CEP192: variants seen among roughly 807,000 people sequenced by gnomAD.
CEP192 encodes centrosomal protein of 192 kDa.
A neutral mutation model predicts 271.8 loss-of-function variants in CEP192; 151 were observed. The ratio of observed to expected loss-of-function variants is 0.56; its 90% CI spans 0.49 to 0.64. The LOEUF (loss-of-function observed/expected upper bound fraction) is 0.64. Ranked by LOEUF, CEP192 falls within the 30% of genes least tolerant of loss-of-function variation. The probability of loss-of-function intolerance (pLI) is 0.00; values close to 1 mark genes in which losing one functional copy is unlikely to be tolerated. For missense variants in CEP192, 2,910 were observed against 3,020.5 expected (o/e 0.96, Z 0.86); for synonymous variants, 995 against 1,076.5 (o/e 0.92, Z 1.48).
chr18:13,114,773 G>A (rs888489733), intron 42 of CEP192, among the ~76,000 whole-genome samples: 8 of 152,100 alleles, frequency 5.3e-5, no homozygotes, highest in South Asian at 2.1e-4. Flanking sequence ...CCACAATTGC[G>A]AGGTCACATG....
rs1479386757 is a variant in CEP192 at position 13,069,757 on chromosome 18, A to G, written c.5075A>G (p.His1692Arg). ...ATTTAGGTCCCAGAACAAGGAAGTC[A>G]CTTTTCAGTGGATCCAAAGAATCTA... is the stretch of plus-strand genomic sequence containing the variant. ...LDIKVPEQGSHFSVDPKNLLL... is the reference protein window; with the variant it reads ...LDIKVPEQGSRFSVDPKNLLL... Residue 1692 changes from histidine (H) to arginine (R), a missense_variant, in exon 27 of 45, where the codon CAC becomes CGC. Transcript: ENST00000506447. 6.3e-7 allele frequency: 1 copy of G among 1,583,500 alleles called. No homozygotes were observed. Among genetic ancestry groups the G allele is most frequent in the African/African-American group, 1.4e-5 (1 of 73,630 alleles).
chr18:13,105,738 C>CT (rs1198523039), intron 40 of CEP192, among the ~76,000 whole-genome samples: 1 of 152,178 alleles, frequency 6.6e-6, no homozygotes, highest in Non-Finnish European at 1.5e-5. Context: ...GGGTTTCTCA[C>CT]TTTTTTTGGA....
At chr18:13,028,077 A>G (rs1229864698) in intron 9 of CEP192, among the ~76,000 whole-genome samples, 1 of 152,182 alleles carries the variant, frequency 6.6e-6, no homozygotes, top group African/African-American at 2.4e-5. Context: ...TAAGGCTCTT[A>G]GAGGAGAATC....
chr18:13,069,596 G>A (rs2037899565), intron 26 of CEP192, 142 bp from the exon 27 acceptor site: 2 of 650,916 alleles, frequency 3.1e-6, no homozygotes, highest in South Asian at 3.7e-5. Flanking sequence ...AAGAGAATAG[G>A]ACAAGTTGAG....
chr18:12,998,728 C>T (rs1419730963), intron 1 of CEP192, among the ~76,000 whole-genome samples: 2 of 152,020 alleles, frequency 1.3e-5, no homozygotes, highest in Non-Finnish European at 2.9e-5. Context: ...GCCATTATTT[C>T]CTTTACTGAT....
chr18:13,062,611 G>C (rs943268822), intron 21 of CEP192, among the ~76,000 whole-genome samples: 1 of 150,562 alleles, frequency 6.6e-6, no homozygotes, highest in Non-Finnish European at 1.5e-5. Context: ...TTTTTTGTGG[G>C]TACCTAAATA....
At chr18:13,082,628 G>A (rs1374841399) in intron 30 of CEP192, among the ~76,000 whole-genome samples, 8 of 151,812 alleles carry the variant, frequency 5.3e-5, no homozygotes, top group African/African-American at 1.9e-4. Flanking sequence ...TACATTTAAG[G>A]TTAATATTGT....
Position 13,025,992 on chromosome 18 carries a change from A to G in CEP192, c.1051-3671A>G, listed in dbSNP as rs537959953. Among the ~76,000 whole-genome samples the G allele has an allele frequency of 7.9e-5, 12 of 152,298 alleles. No homozygotes were observed. The East Asian group carries it at 2.3e-3, about 29-fold the overall frequency. On this transcript the variant is annotated intron_variant, in intron 9 of 44. Transcript: ENST00000506447. ...CTTTGTAGATTTAAGATTCTGACCT[A>G]TATATTTATCTTCTCTCAAAATAAC...
rs148771823 is a variant in CEP192 at position 13,089,149 on chromosome 18, A to G, written c.5994-307A>G. Among the ~76,000 whole-genome samples the G allele has an allele frequency of 6.6e-3, 1,000 of 152,278 alleles. 22 individuals are homozygous for G. Among genetic ancestry groups the G allele is most frequent in the African/African-American group, 0.022 (922 of 41,550 alleles). ...TTTTAGCATGTTCTTTTGTGTTCTGAGACAAATTTCTAGCTGTAACCAAAT... is the reference window on the plus strand; with the variant it reads ...TTTTAGCATGTTCTTTTGTGTTCTGGGACAAATTTCTAGCTGTAACCAAAT... On this transcript the variant is annotated intron_variant, in intron 32 of 44. Transcript: ENST00000506447.
In CEP192 at chr18:13,068,401, AAGAAACAGATCAGCTCTTC is replaced by A; in HGVS notation, c.4804_4822del (p.Lys1602IlefsTer29). ...GATTTGGGTTCTTTTCCATAGTCCA[AAGAAACAGATCAGCTCTTC>A]AGGTATCATGTTTACACTGTGTGGG... On this transcript the variant is annotated frameshift_variant and splice_region_variant, in exon 24 of 45. Transcript: ENST00000506447. LOFTEE classifies it high-confidence loss of function. The A allele has an allele frequency of 6.2e-7, 1 of 1,612,356 alleles. No individual in the cohort carries two copies. The highest frequency in any genetic ancestry group is 8.5e-7 in the Non-Finnish European group (1 of 1,179,006).
At chr18:13,041,485 A>G (rs894761366) in intron 14 of CEP192, among the ~76,000 whole-genome samples, 7 of 152,122 alleles carry the variant, frequency 4.6e-5, no homozygotes, top group African/African-American at 1.4e-4. Context: ...AGTTGGGACA[A>G]AGGGTCCATG....
chr18:13,060,251 A>G (rs942047110), intron 21 of CEP192, among the ~76,000 whole-genome samples: 12 of 152,230 alleles, frequency 7.9e-5, no homozygotes, highest in African/African-American at 2.9e-4. Flanking sequence ...TTGTTACTGT[A>G]CTTAATACTG....
chr18:13,037,344 G>T (rs754185440), intron 12 of CEP192, 43 bp downstream of exon 12: 5 of 823,480 alleles, frequency 6.1e-6, no homozygotes, highest in South Asian at 1.5e-5. Context: ...AATTTTTCCT[G>T]TATTAGTGTA....
intron 4 of CEP192, 77 bp from the exon 5 acceptor site, chr18:13,012,896 G>A: frequency 1.4e-6 from 1 of 722,636 alleles, no homozygotes; most frequent in Non-Finnish European, 2.3e-6. Context: ...AATATTTCTT[G>A]CTATTTTTAG....
intron 44 of CEP192, among the ~76,000 whole-genome samples, chr18:13,120,002 C>T (rs2145151065): frequency 6.6e-6 from 1 of 152,312 alleles, no homozygotes; most frequent in Non-Finnish European, 1.5e-5. Flanking sequence ...TTCCAACTTT[C>T]ATTATTGAAT....
chr18:13,033,459 G>T (rs1423259441), intron 11 of CEP192, among the ~76,000 whole-genome samples: 2 of 152,134 alleles, frequency 1.3e-5, no homozygotes, highest in Admixed American at 6.5e-5. Flanking sequence ...AGGGACACAG[G>T]TATGCTAGTC....
intron 17 of CEP192, among the ~76,000 whole-genome samples, chr18:13,051,839 A>G (rs2036811614): frequency 6.6e-6 from 1 of 152,222 alleles, no homozygotes; most frequent in African/African-American, 2.4e-5. Flanking sequence ...CAACGCACCC[A>G]GCCAATTTGG....
chr18:13,111,252 G>A (rs1377744146), intron 40 of CEP192, among the ~76,000 whole-genome samples: 1 of 152,186 alleles, frequency 6.6e-6, no homozygotes, highest in African/African-American at 2.4e-5. Flanking sequence ...AGCCTCCCGA[G>A]TAGCTGGGAC....
chr18:13,006,263 C>T (rs1158459196), intron 3 of CEP192, among the ~76,000 whole-genome samples: 1 of 151,096 alleles, frequency 6.6e-6, no homozygotes, highest in East Asian at 1.9e-4. Context: ...CATGAGAGCT[C>T]TTTTTTTGAC....
Sources: allele counts gnomAD v4.1 joint callset (sites outside exome capture counted in the v4.1 genomes callset), GRCh38; gene constraint gnomAD v4.1.1; transcripts MANE v1.5; gene names NCBI Gene and HGNC (gene_info 2026-07-23, HGNC 2026-07-21).